The following EPHB2 variants were observed in gnomAD, a reference collection of about 807,000 sequenced individuals.
EPHB2 encodes the protein ephrin type-B receptor 2.
EPHB2 carries 18 observed loss-of-function variants against 96.4 expected under a neutral mutation model. The ratio of observed to expected loss-of-function variants is 0.19; its 90% CI spans 0.13 to 0.28. EPHB2 has a LOEUF of 0.28. EPHB2 is among the 10% of genes least tolerant of loss of function. The pLI is 1.00. For synonymous variants in EPHB2, 506 were observed against 534.1 expected (o/e 0.95, Z 0.72); for missense variants, 989 against 1,355.4 (o/e 0.73, Z 4.25).
intron 3 of EPHB2, among the ~76,000 whole-genome samples, chr1:22,856,996 A>C (rs927104406): frequency 5.3e-5 from 8 of 152,154 alleles, no homozygotes; most frequent in Non-Finnish European, 8.8e-5. Flanking sequence ...CTGAACACCT[A>C]CCATGTGCCA....
intron 13 of EPHB2, among the ~76,000 whole-genome samples, chr1:22,910,087 CCAGGCA>C (rs2124126819): frequency 6.6e-6 from 1 of 152,214 alleles, no homozygotes; most frequent in African/African-American, 2.4e-5. Flanking sequence ...GCTGGTGGAA[CCAGGCA>C]CAGGAGGATC....
chr1:22,843,201 A>G (rs563443058), intron 3 of EPHB2, among the ~76,000 whole-genome samples: 14 of 152,218 alleles, frequency 9.2e-5, no homozygotes, highest in Admixed American at 2.6e-4. Context: ...ACAGTATAAA[A>G]CCTTGCAAGG....
rs376417187 is a variant in EPHB2, at chr1:22,896,417, G to T, written c.1704G>T (p.Arg568=). ...CCCTTTGCTCTTGTTCCAGAAGACGGGGGTTTGAGCGTGCTGACTCGGAGT... is the reference window on the plus strand; with the variant it reads ...CCCTTTGCTCTTGTTCCAGAAGACGTGGGTTTGAGCGTGCTGACTCGGAGT... ...VVVIAIVCNR[R]GFERADSEYT... Residue 568 remains arginine, a synonymous_variant, in exon 9 of 16, where the codon CGG becomes CGT. Transcript: ENST00000374630. 1.2e-6 allele frequency: 2 copies of T among 1,614,138 alleles called. No homozygotes were observed. The highest frequency in any genetic ancestry group is 2.7e-5 in the African/African-American group (2 of 75,042).
chr1:22,816,067 A>G lies in EPHB2; in HGVS notation c.811+30991A>G, dbSNP rs531378746. ...GGCCTTCTTTTCCCCCATCTATACA[A>G]TGGGACTTAGACCACCTGTGCTGCA... On this transcript the variant is annotated intron_variant, in intron 3 of 15. Coordinates refer to ENST00000374630, the MANE Select transcript of EPHB2 (RefSeq NM_017449.5). 2.6e-4 allele frequency among the ~76,000 whole-genome samples: 40 copies of G among 152,192 alleles called. No individual in the cohort carries two copies. In the South Asian group the frequency reaches 6.2e-3, roughly 24 times the overall value.
chr1:22,861,220 A>G (rs1397313911), intron 3 of EPHB2, among the ~76,000 whole-genome samples: 1 of 152,226 alleles, frequency 6.6e-6, no homozygotes, highest in Admixed American at 6.5e-5. Context: ...CCCCGAGGCC[A>G]CACTGCTCAC....
intron 13 of EPHB2, among the ~76,000 whole-genome samples, chr1:22,910,049 C>G (rs1315967290): frequency 6.6e-6 from 1 of 152,056 alleles, no homozygotes; most frequent in Non-Finnish European, 1.5e-5. Context: ...GTCATCCAAG[C>G]CAAGAGGGGG....
rs1640226051 is a variant in EPHB2 at position 22,914,882 on chromosome 1, G to A, written c.*1312G>A. On this transcript the variant is annotated 3_prime_UTR_variant, in exon 16 of 16. Coordinates refer to ENST00000374630, the MANE Select transcript of EPHB2 (RefSeq NM_017449.5). ...ATGAAAGGGACAGATTGAGGAGGAA[G>A]TGGGCTCTGAGGCTGCAGGGCTGGA... The A allele has an allele frequency of 6.6e-6, 1 of 152,600 alleles. No individual in the cohort carries two copies. Among genetic ancestry groups the A allele is most frequent in the African/African-American group, 2.4e-5 (1 of 41,420 alleles). The allele number at this position is 152,600 out of a possible 1,614,324, so 9.5% of individuals were successfully genotyped here.
intron 3 of EPHB2, among the ~76,000 whole-genome samples, chr1:22,857,993 G>T (rs1375839429): frequency 6.6e-6 from 1 of 152,078 alleles, no homozygotes; most frequent in Non-Finnish European, 1.5e-5. Context: ...TGTGATGAGG[G>T]TCAGTAAAGG....
chr1:22,886,256 A>G (rs1027672564), intron 6 of EPHB2, among the ~76,000 whole-genome samples: 2 of 152,186 alleles, frequency 1.3e-5, no homozygotes, highest in African/African-American at 4.8e-5. Flanking sequence ...CGCAGGTGCA[A>G]AGGCCCTAGG....
chr1:22,754,808 A>G (rs1006484117), intron 1 of EPHB2, among the ~76,000 whole-genome samples: 22 of 844 alleles, frequency 0.026, no homozygotes, highest in South Asian at 0.045. Flanking sequence ...GGGAGGTGAG[A>G]GGCAGGGGAA....
At chr1:22,774,753 C>T (rs929196544) in intron 1 of EPHB2, 2 of 327,606 alleles carry the variant, frequency 6.1e-6, no homozygotes, top group African/African-American at 4.5e-5. Context: ...TTAGGAACAT[C>T]ACCCAGCTGC....
chr1:22,848,595 T>C (rs1195021779), intron 3 of EPHB2, among the ~76,000 whole-genome samples: 1 of 152,234 alleles, frequency 6.6e-6, no homozygotes, highest in Non-Finnish European at 1.5e-5. Context: ...GTGCATTTGA[T>C]TTATGGCTTG....
rs756760473 is a variant in EPHB2, at chr1:22,910,420, G to C, written c.2541G>C (p.Pro847=). 5 of 1,614,054 alleles carry C rather than the reference G, an allele frequency of 3.1e-6. No homozygotes were observed. The South Asian group carries it at 4.4e-5, about 14-fold the overall frequency. Residue 847 remains proline, a synonymous_variant, in exon 14 of 16, where the codon CCG becomes CCC. Coordinates refer to ENST00000374630, the MANE Select transcript of EPHB2 (RefSeq NM_017449.5). ...TTGAGCAGGACTATCGGCTGCCACC[G>C]CCCATGGACTGCCCGAGCGCCCTGC... ...NAIEQDYRLP[P]PMDCPSALHQ...
chr1:22,911,058 T>G (rs1409777041), intron 14 of EPHB2, among the ~76,000 whole-genome samples: 1 of 152,000 alleles, frequency 6.6e-6, no homozygotes, highest in Non-Finnish European at 1.5e-5. Flanking sequence ...GAGAATCGCT[T>G]GAACCCAGGA....
intron 3 of EPHB2, among the ~76,000 whole-genome samples, chr1:22,785,683 C>T (rs1644601182): frequency 6.6e-6 from 1 of 152,150 alleles, no homozygotes; most frequent in African/African-American, 2.4e-5. Flanking sequence ...TTAAAGCTTC[C>T]ACCTGGAATG....
intron 6 of EPHB2, chr1:22,891,295 G>C: frequency 2.3e-6 from 1 of 432,292 alleles, no homozygotes; most frequent in Non-Finnish European, 4.7e-6. Flanking sequence ...TTTTGGGAAG[G>C]TTTTCAAGGG....
chr1:22,815,837 C>T (rs142140134), intron 3 of EPHB2, among the ~76,000 whole-genome samples: 2 of 152,078 alleles, frequency 1.3e-5, no homozygotes, highest in Non-Finnish European at 2.9e-5. Context: ...GAGCCCGGGG[C>T]GGTGCTGGAA....
intron 3 of EPHB2, among the ~76,000 whole-genome samples, chr1:22,816,099 A>G (rs1359120077): frequency 1.3e-5 from 2 of 152,108 alleles, no homozygotes; most frequent in African/African-American, 2.4e-5. Context: ...TGCAAGCCTA[A>G]CTGTCCACCA....
intron 1 of EPHB2, among the ~76,000 whole-genome samples, chr1:22,730,427 G>A (rs543491956): frequency 6.6e-6 from 1 of 152,324 alleles, no homozygotes; most frequent in South Asian, 2.1e-4. Flanking sequence ...AGTTGCAGGG[G>A]GCAGCATGGA....
Sources: gnomAD v4.1 joint callset for allele counts (sites outside exome capture counted in the v4.1 genomes callset) on GRCh38, gnomAD v4.1.1 for gene constraint, MANE v1.5 for transcripts, NCBI Gene and HGNC (gene_info 2026-07-23, HGNC 2026-07-21) for gene names.